The following HS3ST4 variants were observed in gnomAD, a reference collection of about 807,000 sequenced individuals.
HS3ST4 encodes heparan sulfate-glucosamine 3-sulfotransferase 4, also known as heparan sulfate glucosamine 3-O-sulfotransferase 4.
HS3ST4 carries 17 observed loss-of-function variants against 29.2 expected under a neutral mutation model. The ratio of observed to expected loss-of-function variants is 0.58; its 90% CI spans 0.40 to 0.87. The LOEUF is 0.87. Ranked by LOEUF, HS3ST4 falls within the 40% of genes least tolerant of loss-of-function variation. The pLI is 0.00. For synonymous variants in HS3ST4, 314 were observed against 285.7 expected, an observed-to-expected ratio of 1.10 and a Z score of -1.00; for missense variants, 627 against 634.5, an observed-to-expected ratio of 0.99 and a Z score of 0.13.
intron 1 of HS3ST4, among the ~76,000 whole-genome samples, chr16:25,732,336 G>A (rs1966575634): frequency 6.6e-6 from 1 of 152,152 alleles, no homozygotes; most frequent in Admixed American, 6.5e-5. Flanking sequence ...TAGGAATTAC[G>A]TTGACACGTG....
intron 1 of HS3ST4, among the ~76,000 whole-genome samples, chr16:26,005,732 GA>G (rs539885852): frequency 1.8e-3 from 234 of 127,640 alleles, no homozygotes; most frequent in Middle Eastern, 3.9e-3. Context: ...TTTACTGTGT[GA>G]AAAAAAAAAA....
At position 26,089,815 on chromosome 16, in the gene HS3ST4, G is replaced by A. The variant is rs1898832636; in HGVS notation, c.735-45797G>A. ...CGTGGCCAGTGAATTGTGAGTTTGA[G>A]TCCTGGCTTGCCAACCTTTGGTCTC... On this transcript the variant is annotated intron_variant, in intron 1 of 1. Coordinates refer to ENST00000331351, the MANE Select transcript of HS3ST4 (RefSeq NM_006040.3). Among the ~76,000 whole-genome samples, 3 of 152,172 alleles carry A rather than the reference G, an allele frequency of 2.0e-5. 1 individual carries two copies. The highest frequency in any genetic ancestry group is 2.0e-4 in the Admixed American group (3 of 15,278).
In HS3ST4 at chr16:26,090,641, C is replaced by T. The variant is rs141708171; in HGVS notation, c.735-44971C>T. ...CAGCAGCCCTCCCCTTGGAGACCCT[C>T]GGGGCCCATGTAGAAGATTTGTGCC... On this transcript the variant is annotated intron_variant, in intron 1 of 1. Coordinates refer to ENST00000331351, the MANE Select transcript of HS3ST4 (RefSeq NM_006040.3). 8.5e-3 allele frequency among the ~76,000 whole-genome samples: 1,298 copies of T among 152,094 alleles called. 12 individuals carry two copies. The highest frequency in any genetic ancestry group is 0.028 in the African/African-American group (1,169 of 41,492).
intron 1 of HS3ST4, among the ~76,000 whole-genome samples, chr16:25,787,857 C>T (rs1372544787): frequency 6.6e-6 from 1 of 152,166 alleles, no homozygotes; most frequent in Non-Finnish European, 1.5e-5. Context: ...AAAGAAATGT[C>T]AAGGTTGCTG....
chr16:25,848,752 T>C (rs1967490310), intron 1 of HS3ST4, among the ~76,000 whole-genome samples: 1 of 152,098 alleles, frequency 6.6e-6, no homozygotes, highest in Non-Finnish European at 1.5e-5. Flanking sequence ...TTGTTTTCTG[T>C]TTCATTTATT....
intron 1 of HS3ST4, among the ~76,000 whole-genome samples, chr16:26,059,594 C>T (rs1178160625): frequency 6.6e-6 from 1 of 152,078 alleles, no homozygotes. Context: ...GCCAGGTTTC[C>T]ATCTCCATCC....
chr16:25,983,564 T>C (rs1006790230), intron 1 of HS3ST4, among the ~76,000 whole-genome samples: 2 of 152,188 alleles, frequency 1.3e-5, no homozygotes, highest in African/African-American at 4.8e-5. Context: ...TTTTACTATT[T>C]TTCTGGCCAC....
At chr16:26,113,933 T>A (rs1367712535) in intron 1 of HS3ST4, among the ~76,000 whole-genome samples, 2 of 152,208 alleles carry the variant, frequency 1.3e-5, no homozygotes, top group African/African-American at 4.8e-5. Flanking sequence ...CATACATATC[T>A]GCATGTGTGT....
intron 1 of HS3ST4, among the ~76,000 whole-genome samples, chr16:26,052,626 C>T (rs1233751967): frequency 1.3e-5 from 2 of 152,322 alleles, no homozygotes; most frequent in East Asian, 3.9e-4. Context: ...CTGCCTCAGC[C>T]TCCCAAAGTG....
chr16:26,021,610 G>A (rs1210352920), intron 1 of HS3ST4, among the ~76,000 whole-genome samples: 2 of 152,046 alleles, frequency 1.3e-5, no homozygotes, highest in Non-Finnish European at 2.9e-5. Flanking sequence ...CAGACATGCG[G>A]CCCCTTCCCA....
chr16:25,824,532 C>T (rs1596582402), intron 1 of HS3ST4, among the ~76,000 whole-genome samples: 3 of 152,266 alleles, frequency 2.0e-5, no homozygotes, highest in African/African-American at 7.2e-5. Flanking sequence ...CTTATAAAAT[C>T]ATCAGATCTT....
chr16:26,022,159 G>C (rs55679665), intron 1 of HS3ST4, among the ~76,000 whole-genome samples: 7,442 of 152,062 alleles, frequency 0.049, 224 homozygotes, highest in Non-Finnish European at 0.07. Flanking sequence ...TGTAGCTATG[G>C]GGTCTCACTG....
At chr16:26,052,907 A>G (rs1319898606) in intron 1 of HS3ST4, among the ~76,000 whole-genome samples, 3 of 152,168 alleles carry the variant, frequency 2.0e-5, no homozygotes, top group African/African-American at 7.2e-5. Context: ...GGGATTTCCA[A>G]TTTACTAAAT....
Position 25,887,855 on chromosome 16 carries a change from G to A in HS3ST4, c.734+194704G>A, listed in dbSNP as rs574986376. Reference sequence around the variant, plus strand: ...TGGGACTACAGGCGCCCACCACCACGCCCAGCTAGTTTTTTGTATTTTTAG... The same window carrying A: ...TGGGACTACAGGCGCCCACCACCACACCCAGCTAGTTTTTTGTATTTTTAG... On this transcript the variant is annotated intron_variant, in intron 1 of 1. Coordinates refer to ENST00000331351, the MANE Select transcript of HS3ST4 (RefSeq NM_006040.3). 5.3e-5 allele frequency among the ~76,000 whole-genome samples: 8 copies of A among 151,776 alleles called. No individual in the cohort carries two copies. In the East Asian group the frequency reaches 7.8e-4, roughly 15 times the overall value.
At chr16:25,767,423 G>C (rs1033372408) in intron 1 of HS3ST4, among the ~76,000 whole-genome samples, 3 of 152,152 alleles carry the variant, frequency 2.0e-5, no homozygotes, top group Admixed American at 2.0e-4. Context: ...ATGTCTCCTC[G>C]GGGGGTGGCT....
chr16:25,757,820 G>A (rs1966766592), intron 1 of HS3ST4, among the ~76,000 whole-genome samples: 1 of 152,010 alleles, frequency 6.6e-6, no homozygotes, highest in African/African-American at 2.4e-5. Context: ...TAGAGGTCAA[G>A]GACTGAGCCT....
intron 1 of HS3ST4, among the ~76,000 whole-genome samples, chr16:25,897,697 C>G (rs372617863): frequency 1.3e-5 from 2 of 152,026 alleles, no homozygotes; most frequent in African/African-American, 2.4e-5. Context: ...TCTCTCTCCC[C>G]CTTCTTCTCT....
chr16:26,024,165 G>A (rs1221128662), intron 1 of HS3ST4, among the ~76,000 whole-genome samples: 1 of 150,610 alleles, frequency 6.6e-6, no homozygotes, highest in Non-Finnish European at 1.5e-5. Context: ...GGAGGTTGCA[G>A]TGAGCAGAGA....
Position 25,960,261 on chromosome 16 carries a change from G to A in HS3ST4, c.735-175351G>A, listed in dbSNP as rs570500865. On this transcript the variant is annotated intron_variant, in intron 1 of 1. Transcript: ENST00000331351. ...TTCCTGAGGCCTTACCGGAAGCTGA[G>A]CAGATGTGGGTACCATGCTTGTACA... Among the ~76,000 whole-genome samples, 7 of 152,304 alleles carry A rather than the reference G, an allele frequency of 4.6e-5. No homozygotes were observed. In the South Asian group the frequency reaches 1.4e-3, roughly 32 times the overall value.
Sources: allele counts gnomAD v4.1 joint callset (sites outside exome capture counted in the v4.1 genomes callset), GRCh38; gene constraint gnomAD v4.1.1; transcripts MANE v1.5; gene names NCBI Gene and HGNC (gene_info 2026-07-23, HGNC 2026-07-21).